The following UPRT variants were observed in gnomAD, a reference collection of about 807,000 sequenced individuals.
The protein encoded by UPRT is uracil phosphoribosyltransferase homolog, also known as RP11-311P8.3.
Under a neutral mutation model 22.6 loss-of-function variants are expected in UPRT, and 5 were observed. The ratio of observed to expected loss-of-function variants is 0.22; its 90% CI spans 0.12 to 0.47. The LOEUF is 0.47. UPRT is among the 20% of genes least tolerant of loss of function. The pLI is 0.99. For synonymous variants in UPRT, 77 were observed against 87.7 expected (o/e 0.88, Z 0.68); for missense variants, 181 against 239.9 (o/e 0.75, Z 1.62).
At chrX:75,272,312 G>GTATA (rs1555975266), upstream of UPRT, among the ~76,000 whole-genome samples, 1 of 10,957 alleles carries the variant, frequency 9.1e-5, no homozygotes, top group Non-Finnish European at 5.1e-4. Flanking sequence ...ATATATATGT[G>GTATA]TATATATACA....
intron 4 of UPRT, among the ~76,000 whole-genome samples, chrX:75,259,304 G>A (rs1038173714): frequency 9.1e-6 from 1 of 110,222 alleles, no homozygotes; most frequent in Non-Finnish European, 1.9e-5. Context: ...GCATCAGAAG[G>A]TGGGTAATAA....
intron 4 of UPRT, among the ~76,000 whole-genome samples, chrX:75,222,538 C>T (rs1466604552): frequency 9.0e-6 from 1 of 111,562 alleles, no homozygotes; most frequent in Non-Finnish European, 1.9e-5. Context: ...CCTGAGCTGG[C>T]ACCTAACCAC....
At chrX:75,185,411 G>C (rs756561897) in intron 4 of UPRT, among the ~76,000 whole-genome samples, 2 of 112,018 alleles carry the variant, frequency 1.8e-5, no homozygotes, top group East Asian at 5.6e-4. Flanking sequence ...TGTGCTGCTG[G>C]ATTTGGTTTG....
chrX:75,180,681 G>GTTTTTTTTTTTTT (rs59522302), intron 4 of UPRT, among the ~76,000 whole-genome samples: 1 of 43,891 alleles, frequency 2.3e-5, no homozygotes, highest in Non-Finnish European at 3.8e-5. Flanking sequence ...CCTTTTCTCT[G>GTTTTTTTTTTTTT]TTTTTTTTTT....
Position 75,265,245 on chromosome X carries a change from A to C in UPRT, c.-446-25779A>C, listed in dbSNP as rs1046359856. On this transcript the variant is annotated intron_variant, in intron 4 of 13. Transcript: ENST00000652605. Reference sequence around the variant, plus strand: ...TTGGCCTGCCTTGCTAGATTGGGGAAGTTCTCCTGGAGAATATCCTGCAGA... The same window carrying C: ...TTGGCCTGCCTTGCTAGATTGGGGACGTTCTCCTGGAGAATATCCTGCAGA... Among the ~76,000 whole-genome samples, 47 of 111,672 alleles carry C rather than the reference A, an allele frequency of 4.2e-4. No individual in the cohort carries two copies. The Admixed American group carries it at 4.3e-3, about 10-fold the overall frequency.
intron 4 of UPRT, among the ~76,000 whole-genome samples, chrX:75,236,287 G>T (rs1026726313): frequency 9.0e-6 from 1 of 111,047 alleles, no homozygotes; most frequent in African/African-American, 3.3e-5. Flanking sequence ...CACTGCTCAA[G>T]GAAATAAAAG....
intron 4 of UPRT, among the ~76,000 whole-genome samples, chrX:75,197,586 A>T (rs2082336400): frequency 8.9e-6 from 1 of 112,018 alleles, no homozygotes; most frequent in Non-Finnish European, 1.9e-5. Context: ...ATAAAACTGC[A>T]ATAATTAAAA....
intron 1 of UPRT, among the ~76,000 whole-genome samples, chrX:75,275,963 C>T (rs1456272099): frequency 5.4e-5 from 6 of 111,672 alleles, no homozygotes; most frequent in Non-Finnish European, 9.4e-5. Flanking sequence ...CCTCGTGCCT[C>T]GGCCTCCTAA....
chrX:75,198,800 A>C (rs771202890), intron 4 of UPRT, among the ~76,000 whole-genome samples: 1 of 111,502 alleles, frequency 9.0e-6, no homozygotes, highest in Admixed American at 9.5e-5. Context: ...GTCTGGAATC[A>C]CCAATGCCAC....
At chrX:75,209,648 C>T (rs747363067) in intron 4 of UPRT, among the ~76,000 whole-genome samples, 1 of 112,631 alleles carries the variant, frequency 8.9e-6, no homozygotes, top group African/African-American at 3.2e-5. Flanking sequence ...GCTGGAATTA[C>T]AGGCATGAGC....
At chrX:75,236,739 T>A (rs1425987365) in intron 4 of UPRT, among the ~76,000 whole-genome samples, 4 of 112,490 alleles carry the variant, frequency 3.6e-5, no homozygotes, top group Non-Finnish European at 7.5e-5. Flanking sequence ...GAAAACTGGC[T>A]AGCCAGATGT....
chrX:75,244,118 C>G (rs1289083700), intron 4 of UPRT, among the ~76,000 whole-genome samples: 1 of 111,153 alleles, frequency 9.0e-6, no homozygotes, highest in Admixed American at 9.6e-5. Flanking sequence ...GAAAATCAGA[C>G]AAAAAGCAGA....
chrX:75,186,961 C>G (rs2082294882), intron 4 of UPRT, among the ~76,000 whole-genome samples: 1 of 111,511 alleles, frequency 9.0e-6, no homozygotes, highest in Admixed American at 9.5e-5. Context: ...ACTGATGGGT[C>G]TTGACTCTTT....
intron 4 of UPRT, among the ~76,000 whole-genome samples, chrX:75,248,668 A>C (rs1408627412): frequency 8.9e-6 from 1 of 112,089 alleles, no homozygotes; most frequent in Non-Finnish European, 1.9e-5. Flanking sequence ...TCCCCAATCT[A>C]GCAAAGCAGG....
At chrX:75,248,947 TC>T (rs1390151011) in intron 4 of UPRT, among the ~76,000 whole-genome samples, 2 of 111,632 alleles carry the variant, frequency 1.8e-5, no homozygotes, top group South Asian at 3.7e-4. Context: ...GAATTTCATA[TC>T]CAGCCAAACT....
At chrX:75,245,266 T>TAAAAAAAAAAA (rs766688686) in intron 4 of UPRT, among the ~76,000 whole-genome samples, 1 of 65,475 alleles carries the variant, frequency 1.5e-5, no homozygotes, top group Non-Finnish European at 3.1e-5. Context: ...TACTAAAAAG[T>TAAAAAAAAAAA]AAAAAAAAAA....
chrX:75,217,213 A>C (rs929117495), intron 4 of UPRT, among the ~76,000 whole-genome samples: 3 of 111,486 alleles, frequency 2.7e-5, no homozygotes, highest in African/African-American at 9.8e-5. Flanking sequence ...ATTGAGCAGC[A>C]TAAAAAGAGT....
At chrX:75,236,584 C>G (rs759133274) in intron 4 of UPRT, among the ~76,000 whole-genome samples, 1 of 111,867 alleles carries the variant, frequency 8.9e-6, no homozygotes, top group South Asian at 3.7e-4. Flanking sequence ...CAGTATGATA[C>G]TGGTACCAAA....
At chrX:75,194,564 G>T (rs905125874) in intron 4 of UPRT, among the ~76,000 whole-genome samples, 12 of 111,133 alleles carry the variant, frequency 1.1e-4, no homozygotes, top group African/African-American at 3.9e-4. Context: ...GTATTTTGTA[G>T]GGGGGCAGGA....
Sources: allele counts gnomAD v4.1 joint callset (sites outside exome capture counted in the v4.1 genomes callset), GRCh38; gene constraint gnomAD v4.1.1; transcripts MANE v1.5; gene names NCBI Gene and HGNC (gene_info 2026-07-23, HGNC 2026-07-21).